Variants in HECW2 observed in about 807,000 individuals in gnomAD.
HECW2 encodes HECT, C2 and WW domain containing E3 ubiquitin protein ligase 2.
Under a neutral mutation model 175.2 loss-of-function variants are expected in HECW2, and 61 were observed. The ratio of observed to expected loss-of-function variants is 0.35; its 90% CI spans 0.28 to 0.43. The LOEUF (loss-of-function observed/expected upper bound fraction) is 0.43, where lower values mean the gene tolerates loss of function less well. HECW2 is among the 20% of genes least tolerant of loss of function. The pLI, the probability that HECW2 is intolerant of heterozygous loss-of-function variation, is 1.00. For missense variants in HECW2, 1,524 were observed against 2,000.5 expected (o/e 0.76, Z 4.54); for synonymous variants, 671 against 731.0 (o/e 0.92, Z 1.32).
chr2:196,324,537 T>A (rs1692073790), intron 6 of HECW2, among the ~76,000 whole-genome samples: 1 of 152,210 alleles, frequency 6.6e-6, no homozygotes, highest in Non-Finnish European at 1.5e-5. Flanking sequence ...CTTTAATTTG[T>A]ACTAAATGTA....
chr2:196,454,157 A>T (rs1696431776), intron 1 of HECW2, among the ~76,000 whole-genome samples: 1 of 152,100 alleles, frequency 6.6e-6, no homozygotes, highest in Admixed American at 6.6e-5. Flanking sequence ...ACAGGGTTCC[A>T]CCATATTGGC....
intron 15 of HECW2, among the ~76,000 whole-genome samples, chr2:196,277,420 G>A (rs916077016): frequency 6.6e-6 from 1 of 152,140 alleles, no homozygotes; most frequent in Non-Finnish European, 1.5e-5. Context: ...CTTCACTTAA[G>A]AAATTCTATC....
intron 1 of HECW2, among the ~76,000 whole-genome samples, chr2:196,550,849 C>T (rs1361461870): frequency 6.6e-6 from 1 of 152,138 alleles, no homozygotes; most frequent in Non-Finnish European, 1.5e-5. Context: ...GTGAGAACAT[C>T]CAATTCTTAT....
At chr2:196,388,700 C>T (rs560317495) in intron 2 of HECW2, among the ~76,000 whole-genome samples, 3 of 152,200 alleles carry the variant, frequency 2.0e-5, no homozygotes, top group African/African-American at 7.2e-5. Flanking sequence ...TGGCTAGCAT[C>T]TAATCATATG....
At chr2:196,434,568 C>A (rs552066860) in intron 1 of HECW2, among the ~76,000 whole-genome samples, 3 of 152,186 alleles carry the variant, frequency 2.0e-5, no homozygotes, top group African/African-American at 7.2e-5. Context: ...TATCTACCAG[C>A]GCCTTACCTG....
At chr2:196,362,927 T>C (rs1693639133) in intron 2 of HECW2, among the ~76,000 whole-genome samples, 1 of 152,182 alleles carries the variant, frequency 6.6e-6, no homozygotes, top group Non-Finnish European at 1.5e-5. Context: ...TGGTCTTACA[T>C]GTCAGGTACA....
intron 23 of HECW2, among the ~76,000 whole-genome samples, 158 bp downstream of exon 23, chr2:196,225,614 A>G (rs1057154249): frequency 6.6e-5 from 10 of 152,240 alleles, no homozygotes; most frequent in Non-Finnish European, 1.5e-4. Flanking sequence ...CATATTTGAA[A>G]TTGCATTAGT....
rs142873854 is a variant in HECW2, at chr2:196,305,851, T to C, written c.2814+637A>G. ...TATCCTGCTAGACTTCTATGGCCAA[T>C]GTTTCCCTCATTCTAAATCACTTCA... On this transcript the variant is annotated intron_variant, in intron 13 of 28. Transcript: ENST00000644978. Among the ~76,000 whole-genome samples, 3 of 152,314 alleles carry C rather than the reference T, an allele frequency of 2.0e-5. No individual in the cohort carries two copies. In the East Asian group the frequency reaches 5.8e-4, roughly 29 times the overall value.
chr2:196,217,028 G>A lies in HECW2; in HGVS notation c.4474C>T (p.Gln1492Ter). 1 of 1,535,518 alleles carries A rather than the reference G, an allele frequency of 6.5e-7. No homozygotes were observed. The highest frequency in any genetic ancestry group is 8.7e-7 in the Non-Finnish European group (1 of 1,149,314). Residue 1492 changes from glutamine (Q) to a stop codon, truncating the protein, a stop_gained, in exon 27 of 29, where the codon CAA becomes TAA. Coordinates refer to ENST00000644978, the MANE Select transcript of HECW2 (RefSeq NM_001348768.2). LOFTEE classifies it high-confidence loss of function. ...WAAVERFNNE[Q>*]RLRLLQFVTG... is the part of the protein sequence containing the mutation. Reference sequence around the variant, plus strand: ...CTCACCTGTAACAACCTTAGTCGTTGTTCATTGTTGAATCTTTCCACTGCA... The same window carrying A: ...CTCACCTGTAACAACCTTAGTCGTTATTCATTGTTGAATCTTTCCACTGCA...
chr2:196,204,558 T>C (rs980319997), intron 28 of HECW2, among the ~76,000 whole-genome samples: 1 of 152,214 alleles, frequency 6.6e-6, no homozygotes, highest in African/African-American at 2.4e-5. Flanking sequence ...GTCCTCCAAA[T>C]GAGAATGCAG....
At position 196,343,700 on chromosome 2, in the gene HECW2, C is replaced by A. The variant is rs773503947; in HGVS notation, c.357G>T (p.Gly119=). The change falls in exon 3 of 29, where the codon GGG becomes GGT. Residue 119 remains glycine (G), a synonymous_variant. Coordinates refer to ENST00000644978, the MANE Select transcript of HECW2 (RefSeq NM_001348768.2). ...CAGGCTCAATTCTCCATACAATTTGCCCTTTTTGTGTTCCAGTCACACCCC... is the reference window on the plus strand; with the variant it reads ...CAGGCTCAATTCTCCATACAATTTGACCTTTTTGTGTTCCAGTCACACCCC... The part of the protein sequence containing the change: ...KNRGVTGTQK[G]QIVWRIEPGP... 2 of 1,613,878 alleles carry A rather than the reference C, an allele frequency of 1.2e-6. No homozygotes were observed. The highest frequency in any genetic ancestry group is 1.7e-6 in the Non-Finnish European group (2 of 1,179,832).
At chr2:196,373,791 G>A (rs1693970693) in intron 2 of HECW2, among the ~76,000 whole-genome samples, 1 of 152,122 alleles carries the variant, frequency 6.6e-6, no homozygotes, top group Non-Finnish European at 1.5e-5. Flanking sequence ...TGCCACCATT[G>A]GGAAGCCGAG....
intron 1 of HECW2, among the ~76,000 whole-genome samples, chr2:196,591,903 TGTG>T (rs1289024414): frequency 6.6e-6 from 1 of 152,230 alleles, no homozygotes; most frequent in East Asian, 1.9e-4. Context: ...TTGTAGATAA[TGTG>T]TGTGTCATTT....
intron 1 of HECW2, among the ~76,000 whole-genome samples, chr2:196,573,065 C>T (rs1690440960): frequency 6.6e-6 from 1 of 151,880 alleles, no homozygotes; most frequent in Non-Finnish European, 1.5e-5. Context: ...AAACAGATGA[C>T]AAAGATGAGA....
rs184800071 is a variant in HECW2, at chr2:196,234,839, G to C, written c.3764+5610C>G. 5.0e-3 allele frequency among the ~76,000 whole-genome samples: 765 copies of C among 152,264 alleles called. 7 individuals are homozygous for C. Among genetic ancestry groups the C allele is most frequent in the African/African-American group, 0.018 (730 of 41,558 alleles). The stretch of plus-strand genomic sequence containing the variant: ...CGCCACATTCAGTCAAGATGACTCA[G>C]TTTTCAGCCACTCCACCACTGCCGA... On this transcript the variant is annotated intron_variant, in intron 21 of 28. Transcript: ENST00000644978.
At chr2:196,546,480 G>A (rs1285254638) in intron 1 of HECW2, among the ~76,000 whole-genome samples, 2 of 152,198 alleles carry the variant, frequency 1.3e-5, no homozygotes, top group African/African-American at 4.8e-5. Flanking sequence ...TTGGTTTCAA[G>A]CATCAAGGAA....
At chr2:196,330,270 A>G (rs1692310618) in intron 4 of HECW2, among the ~76,000 whole-genome samples, 1 of 152,210 alleles carries the variant, frequency 6.6e-6, no homozygotes, top group Non-Finnish European at 1.5e-5. Flanking sequence ...GAAGCCAGTA[A>G]TTTATAAACC....
chr2:196,451,831 G>A (rs574824046), intron 1 of HECW2, among the ~76,000 whole-genome samples: 5 of 152,032 alleles, frequency 3.3e-5, no homozygotes, highest in South Asian at 4.2e-4. Context: ...CCCAGGAGGC[G>A]GAAGTTGCAG....
chr2:196,434,185 C>G (rs965986484), intron 1 of HECW2, among the ~76,000 whole-genome samples: 1 of 152,188 alleles, frequency 6.6e-6, no homozygotes, highest in Non-Finnish European at 1.5e-5. Flanking sequence ...TACTTTATCC[C>G]CAGTGTCTAC....
Sources: gnomAD v4.1 joint callset for allele counts (sites outside exome capture counted in the v4.1 genomes callset) on GRCh38, gnomAD v4.1.1 for gene constraint, MANE v1.5 for transcripts, NCBI Gene and HGNC (gene_info 2026-07-23, HGNC 2026-07-21) for gene names.